AGAP1: variants seen among roughly 807,000 people sequenced by gnomAD.
The protein encoded by AGAP1 is ArfGAP with GTPase domain, ankyrin repeat and PH domain 1.
In AGAP1, 29 loss-of-function variants were observed where a neutral mutation model predicts 105.3. That is an observed-to-expected ratio of 0.28 (90% CI 0.21 to 0.38). AGAP1 has a LOEUF of 0.38. Ranked by LOEUF, AGAP1 falls within the 10% of genes least tolerant of loss-of-function variation. AGAP1 has a pLI of 1.00. For missense variants in AGAP1, 998 were observed against 1,165.1 expected (o/e 0.86, Z 2.09); for synonymous variants, 509 against 485.9 (o/e 1.05, Z -0.63).
At chr2:235,968,254 G>A (rs1206755317) in intron 12 of AGAP1, among the ~76,000 whole-genome samples, 1 of 152,130 alleles carries the variant, frequency 6.6e-6, no homozygotes, top group African/African-American at 2.4e-5. Flanking sequence ...TGTTTTAATA[G>A]CGGGAGGCAC....
chr2:235,679,714 TCTC>T (rs1948957714), intron 1 of AGAP1, among the ~76,000 whole-genome samples: 2 of 152,194 alleles, frequency 1.3e-5, no homozygotes, highest in African/African-American at 4.8e-5. Flanking sequence ...TGCTGTGCCT[TCTC>T]CTGGAGGGCT....
chr2:235,992,778 T>C lies in AGAP1; in HGVS notation c.1645+24155T>C, dbSNP rs1335635314. 6.6e-6 allele frequency among the ~76,000 whole-genome samples: 1 copy of C among 152,176 alleles called. No individual in the cohort carries two copies. Among genetic ancestry groups the C allele is most frequent in the Non-Finnish European group, 1.5e-5 (1 of 68,024 alleles). On this transcript the variant is annotated intron_variant, in intron 13 of 17. Coordinates refer to ENST00000304032, the MANE Select transcript of AGAP1 (RefSeq NM_001037131.3). This position sits in a 1 kb window ranked among gnomAD's most constrained non-coding sequence, Gnocchi z 4.8. Reference sequence around the variant, plus strand: ...GCGCCGAGGAGAGCGTAGCCTCCTGTTAACGTAGCCTCCTGCTGCTCTTTG... The same window carrying C: ...GCGCCGAGGAGAGCGTAGCCTCCTGCTAACGTAGCCTCCTGCTGCTCTTTG...
rs1290143243 is a variant in AGAP1 at position 235,970,915 on chromosome 2, C to A, written c.1645+2292C>A. Among the ~76,000 whole-genome samples, 1 of 152,186 alleles carries A rather than the reference C, an allele frequency of 6.6e-6. No homozygotes were observed. The highest frequency in any genetic ancestry group is 1.5e-5 in the Non-Finnish European group (1 of 68,044). On this transcript the variant is annotated intron_variant, in intron 13 of 17. Transcript: ENST00000304032. This position sits in a 1 kb window ranked among gnomAD's most constrained non-coding sequence, Gnocchi z 5.4. ...GGCTGAGACACGGGCTCTGTCCAAG[C>A]AGCAAATGGGGGCCCCTTTCCTTAA... is the stretch of plus-strand genomic sequence containing the variant.
At chr2:235,525,334 A>AATACATAATGTGGAGGACTG (rs1942788183) in intron 1 of AGAP1, among the ~76,000 whole-genome samples, 2 of 69,128 alleles carry the variant, frequency 2.9e-5, no homozygotes, top group Non-Finnish European at 5.9e-5. Context: ...GTGGAGGACT[A>AATACATAATGTGGAGGACTG]ATACATAATG....
chr2:235,726,935 T>A (rs1951677209), intron 3 of AGAP1, among the ~76,000 whole-genome samples: 1 of 152,158 alleles, frequency 6.6e-6, no homozygotes, highest in Non-Finnish European at 1.5e-5. Flanking sequence ...TCTCCCCCAT[T>A]TCTTGCCTGT....
chr2:235,701,671 C>T lies in AGAP1; in HGVS notation c.164-7508C>T, dbSNP rs1278979823. ...ATTAAATCCTACCATTGAAACTGTG[C>T]TGGTGAACTTCTGCTAAGTCCTACA... On this transcript the variant is annotated intron_variant, in intron 1 of 17. Coordinates refer to ENST00000304032, the MANE Select transcript of AGAP1 (RefSeq NM_001037131.3). The surrounding 1 kb of genome is among the most constrained non-coding windows in gnomAD (Gnocchi z 4.1). 6.6e-6 allele frequency among the ~76,000 whole-genome samples: 1 copy of T among 152,188 alleles called. No homozygotes were observed. Among genetic ancestry groups the T allele is most frequent in the Non-Finnish European group, 1.5e-5 (1 of 68,028 alleles).
chr2:235,750,725 G>A lies in AGAP1; in HGVS notation c.673+237G>A, dbSNP rs76079209. ...TTGAGAACAGCCTGGTGTTGGGTCT[G>A]TGTGTCTCCTATGGGGCCTTTTTGT... is the stretch of plus-strand genomic sequence containing the variant. On this transcript the variant is annotated intron_variant, in intron 6 of 17. Coordinates refer to ENST00000304032, the MANE Select transcript of AGAP1 (RefSeq NM_001037131.3). This position sits in a 1 kb window ranked among gnomAD's most constrained non-coding sequence, Gnocchi z 5.3. Among the ~76,000 whole-genome samples, 3,297 of 152,290 alleles carry A rather than the reference G, an allele frequency of 0.022. 113 individuals are homozygous for A. The highest frequency in any genetic ancestry group is 0.074 in the African/African-American group (3,071 of 41,540).
At chr2:236,068,361 C>A (rs1383557928) in intron 16 of AGAP1, among the ~76,000 whole-genome samples, 3 of 152,036 alleles carry the variant, frequency 2.0e-5, no homozygotes, top group Non-Finnish European at 4.4e-5. Context: ...AATATAATAA[C>A]CCTTCCTGTT....
At position 235,908,361 on chromosome 2, in the gene AGAP1, G is replaced by T. The variant is rs917316216; in HGVS notation, c.1156-377G>T. On this transcript the variant is annotated intron_variant, in intron 10 of 17. Coordinates refer to ENST00000304032, the MANE Select transcript of AGAP1 (RefSeq NM_001037131.3). This position sits in a 1 kb window ranked among gnomAD's most constrained non-coding sequence, Gnocchi z 4.4. ...GAGACAGAAAGGTTATTACAAAATG[G>T]TTTCCTACTCCATGGAATTTTACTT... is the stretch of plus-strand genomic sequence containing the variant. Among the ~76,000 whole-genome samples, 2 of 152,122 alleles carry T rather than the reference G, an allele frequency of 1.3e-5. No homozygotes were observed. The highest frequency in any genetic ancestry group is 2.9e-5 in the Non-Finnish European group (2 of 68,018).
chr2:235,856,974 A>G (rs570241614), intron 9 of AGAP1, among the ~76,000 whole-genome samples: 1 of 152,268 alleles, frequency 6.6e-6, no homozygotes, highest in African/African-American at 2.4e-5. Context: ...AAACATGAAG[A>G]CACACACACT....
chr2:236,038,090 A>C lies in AGAP1; in HGVS notation c.1800+1375A>C, dbSNP rs2057435729. ...ATAATGTAATTTGCTTCCCTTTTTA[A>C]AAGATGTTTTATACTCAAGGTGGGG... On this transcript the variant is annotated intron_variant, in intron 14 of 17. Transcript: ENST00000304032. The surrounding 1 kb of genome is among the most constrained non-coding windows in gnomAD (Gnocchi z 4.5). 6.6e-6 allele frequency among the ~76,000 whole-genome samples: 1 copy of C among 152,158 alleles called. No homozygotes were observed. The highest frequency in any genetic ancestry group is 1.9e-4 in the East Asian group (1 of 5,190).
rs763368585 is a variant in AGAP1 at position 235,905,833 on chromosome 2, G to A, written c.1156-2905G>A. On this transcript the variant is annotated intron_variant, in intron 10 of 17. Transcript: ENST00000304032. This position sits in a 1 kb window ranked among gnomAD's most constrained non-coding sequence, Gnocchi z 4.2. ...TTTCATTTGTCACCCTCAACACAGC[G>A]CAGTCCTGAGAATTCCTGTGCCGCT... Among the ~76,000 whole-genome samples, 19 of 152,282 alleles carry A rather than the reference G, an allele frequency of 1.2e-4. No homozygotes were observed. In the East Asian group the frequency reaches 2.7e-3, roughly 22 times the overall value.
In AGAP1 at chr2:236,035,138, C is replaced by T. The variant is rs1031827613; in HGVS notation, c.1646-1423C>T. The stretch of plus-strand genomic sequence containing the variant: ...TAGAGGGACCAAGAGTCTGGAAGAT[C>T]AGAGGTCCGTGCAGTAGACATGAGC... On this transcript the variant is annotated intron_variant, in intron 13 of 17. Transcript: ENST00000304032. The surrounding 1 kb of genome is among the most constrained non-coding windows in gnomAD (Gnocchi z 4.2). 6.6e-6 allele frequency among the ~76,000 whole-genome samples: 1 copy of T among 152,102 alleles called. No homozygotes were observed. The highest frequency in any genetic ancestry group is 2.4e-5 in the African/African-American group (1 of 41,412).
At position 235,934,260 on chromosome 2, in the gene AGAP1, A is replaced by C. The variant is rs138864232; in HGVS notation, c.1483+3337A>C. ...ATCACATGGCATGCTGAAGCTTGGGAACCACTGCTGTAAGTCCTCACTTCC... is the reference window on the plus strand; with the variant it reads ...ATCACATGGCATGCTGAAGCTTGGGCACCACTGCTGTAAGTCCTCACTTCC... On this transcript the variant is annotated intron_variant, in intron 12 of 17. Coordinates refer to ENST00000304032, the MANE Select transcript of AGAP1 (RefSeq NM_001037131.3). This position sits in a 1 kb window ranked among gnomAD's most constrained non-coding sequence, Gnocchi z 4.9. 4.3e-3 allele frequency among the ~76,000 whole-genome samples: 657 copies of C among 152,270 alleles called. 7 individuals are homozygous for C. Among genetic ancestry groups the C allele is most frequent in the African/African-American group, 0.016 (646 of 41,548 alleles).
At chr2:235,680,372 C>T (rs1374788035) in intron 1 of AGAP1, among the ~76,000 whole-genome samples, 1 of 152,106 alleles carries the variant, frequency 6.6e-6, no homozygotes, top group Non-Finnish European at 1.5e-5. Flanking sequence ...AGTGTGAATG[C>T]TGGTGTCCAG....
rs555671514 is a variant in AGAP1 at position 235,569,183 on chromosome 2, C to T, written c.163+74334C>T. Among the ~76,000 whole-genome samples the T allele has an allele frequency of 4.5e-3, 686 of 152,178 alleles. 6 individuals carry two copies. Among genetic ancestry groups the T allele is most frequent in the Non-Finnish European group, 3.5e-3 (241 of 67,996 alleles). ...TATAAAAATTAGCTGGGTGTGGTGG[C>T]GGGCGCCTGTAGTCCCAGCTACTTG... On this transcript the variant is annotated intron_variant, in intron 1 of 17. Transcript: ENST00000304032. This position sits in a 1 kb window ranked among gnomAD's most constrained non-coding sequence, Gnocchi z 5.9.
At chr2:235,918,267 C>G (rs73128439) in intron 11 of AGAP1, among the ~76,000 whole-genome samples, 1 of 152,194 alleles carries the variant, frequency 6.6e-6, no homozygotes, top group African/African-American at 2.4e-5. Context: ...CAAATGGAAG[C>G]CTTACTGGTC....
chr2:235,648,130 T>TG lies in AGAP1; in HGVS notation c.164-61043dup, dbSNP rs963195255. ...TAATTACATTGTGGGAGAGACTGAC[T>TG]GGGGGGTGTCCATCCCGTGTGTGCC... is the stretch of plus-strand genomic sequence containing the variant. On this transcript the variant is annotated intron_variant, in intron 1 of 17. Coordinates refer to ENST00000304032, the MANE Select transcript of AGAP1 (RefSeq NM_001037131.3). Among the ~76,000 whole-genome samples, 138 of 152,318 alleles carry TG rather than the reference T, an allele frequency of 9.1e-4. 1 individual carries two copies. The highest frequency in any genetic ancestry group is 3.1e-3 in the African/African-American group (127 of 41,572).
chr2:235,627,643 G>A (rs1316310909), intron 1 of AGAP1, among the ~76,000 whole-genome samples: 1 of 152,142 alleles, frequency 6.6e-6, no homozygotes, highest in Non-Finnish European at 1.5e-5. Flanking sequence ...AGCAGCATCT[G>A]TTGATTTTGG....
Sources: allele counts gnomAD v4.1 joint callset (sites outside exome capture counted in the v4.1 genomes callset), GRCh38; gene constraint gnomAD v4.1.1; non-coding constraint Gnocchi (gnomAD v3.1); transcripts MANE v1.5; gene names NCBI Gene and HGNC (gene_info 2026-07-23, HGNC 2026-07-21).